CTNND2: variants seen among roughly 807,000 people sequenced by gnomAD.
The protein encoded by CTNND2 is catenin delta 2, also known as catenin delta-2.
CTNND2 carries 22 observed loss-of-function variants against 144.4 expected under a neutral mutation model. That is an observed-to-expected ratio of 0.15 (90% confidence interval 0.11 to 0.22). The LOEUF is 0.22. Ranked by LOEUF, CTNND2 falls within the 10% of genes least tolerant of loss-of-function variation. The pLI is 1.00. For missense variants in CTNND2, 1,353 were observed against 1,618.8 expected, an observed-to-expected ratio of 0.84 and a Z score of 2.82; for synonymous variants, 751 against 695.6, an observed-to-expected ratio of 1.08 and a Z score of -1.25.
At chr5:11,276,188 C>G (rs991053293) in intron 9 of CTNND2, among the ~76,000 whole-genome samples, 5 of 152,112 alleles carry the variant, frequency 3.3e-5, no homozygotes, top group Admixed American at 6.5e-5. Context: ...GAGACAGGAG[C>G]AGGGGATGTG....
intron 18 of CTNND2, among the ~76,000 whole-genome samples, chr5:10,994,815 C>G (rs1345349552): frequency 6.6e-6 from 1 of 152,102 alleles, no homozygotes; most frequent in African/African-American, 2.4e-5. Flanking sequence ...AGGTCACTCC[C>G]CTGGACAGAG....
intron 2 of CTNND2, among the ~76,000 whole-genome samples, chr5:11,663,978 A>G (rs998113706): frequency 1.3e-5 from 2 of 152,178 alleles, no homozygotes; most frequent in African/African-American, 2.4e-5. Context: ...GGTAGAAACC[A>G]TCTCAAGACT....
At chr5:11,344,936 T>A (rs1754619980) in intron 9 of CTNND2, among the ~76,000 whole-genome samples, 1 of 152,210 alleles carries the variant, frequency 6.6e-6, no homozygotes, top group African/African-American at 2.4e-5. Context: ...GGTTTCTTAT[T>A]AAGCTAAATT....
chr5:11,681,935 A>G (rs1784435905), intron 2 of CTNND2, among the ~76,000 whole-genome samples: 1 of 152,206 alleles, frequency 6.6e-6, no homozygotes, highest in African/African-American at 2.4e-5. Flanking sequence ...AGAAACAGAC[A>G]AGCTGTCTAC....
intron 9 of CTNND2, among the ~76,000 whole-genome samples, chr5:11,240,282 C>CAT (rs201806525): frequency 7.9e-6 from 1 of 127,382 alleles, no homozygotes; most frequent in Non-Finnish European, 1.7e-5. Context: ...CCAACACACA[C>CAT]ACACTCAAAC....
At chr5:11,485,410 T>A (rs1768728672) in intron 3 of CTNND2, among the ~76,000 whole-genome samples, 1 of 150,268 alleles carries the variant, frequency 6.7e-6, no homozygotes. Flanking sequence ...TTCAATGCAA[T>A]CCCCCCAAAA....
chr5:11,330,267 C>A (rs1210810544), intron 9 of CTNND2, among the ~76,000 whole-genome samples: 3 of 145,660 alleles, frequency 2.1e-5, no homozygotes, highest in African/African-American at 7.7e-5. Context: ...GTCAGGAGAT[C>A]GAGACCTTCC....
intron 2 of CTNND2, among the ~76,000 whole-genome samples, chr5:11,581,296 G>A (rs1266267286): frequency 2.0e-5 from 3 of 150,446 alleles, no homozygotes; most frequent in Non-Finnish European, 3.0e-5. Flanking sequence ...GTTCTTCTTG[G>A]AACAGAATTC....
rs12517899 is a variant in CTNND2 at position 11,088,293 on chromosome 5, G to A, written c.2638-5447C>T. On this transcript the variant is annotated intron_variant, in intron 15 of 21. Coordinates refer to ENST00000304623, the MANE Select transcript of CTNND2 (RefSeq NM_001332.4). ...TGCATGAATACACCATTGAGAAGGG[G>A]AAACTGACCACAGTGGAGGTCCAAA... 3.3e-3 allele frequency among the ~76,000 whole-genome samples: 497 copies of A among 152,262 alleles called. 2 individuals are homozygous for A. Among genetic ancestry groups the A allele is most frequent in the South Asian group, 0.01 (50 of 4,818 alleles).
intron 1 of CTNND2, among the ~76,000 whole-genome samples, chr5:11,810,515 TTAC>T (rs1321898214): frequency 2.0e-5 from 3 of 152,182 alleles, no homozygotes; most frequent in African/African-American, 7.2e-5. Flanking sequence ...TAAATGTGGA[TTAC>T]TACTTTTTAA....
intron 2 of CTNND2, among the ~76,000 whole-genome samples, chr5:11,652,625 T>A (rs2126540762): frequency 6.6e-6 from 1 of 152,330 alleles, no homozygotes; most frequent in African/African-American, 2.4e-5. Context: ...AGAGCAAAAA[T>A]TTATGTTACT....
chr5:11,784,837 C>A (rs1790743856), intron 1 of CTNND2, among the ~76,000 whole-genome samples: 1 of 152,188 alleles, frequency 6.6e-6, no homozygotes, highest in Admixed American at 6.5e-5. Flanking sequence ...GAGACCACAA[C>A]TAGTCAATGC....
rs1737340515 is a variant in CTNND2 at position 10,981,997 on chromosome 5, T to C, written c.3344-151A>G. The C allele has an allele frequency of 6.4e-6, 4 of 620,294 alleles. No individual in the cohort carries two copies. The East Asian group carries it at 1.1e-4, about 17-fold the overall frequency. 38.4% of individuals were successfully genotyped at this position (620,294 alleles called of 1,614,324 possible). On this transcript the variant is annotated intron_variant, in intron 20 of 21. Coordinates refer to ENST00000304623, the MANE Select transcript of CTNND2 (RefSeq NM_001332.4). ...ACATTCTTTGGCCCTGAACACTTCATTTTACATACAGATATTAAAAAAGGA... is the reference window on the plus strand; with the variant it reads ...ACATTCTTTGGCCCTGAACACTTCACTTTACATACAGATATTAAAAAAGGA...
chr5:11,884,813 T>TA (rs1736396547), intron 1 of CTNND2, among the ~76,000 whole-genome samples: 1 of 152,216 alleles, frequency 6.6e-6, no homozygotes, highest in Non-Finnish European at 1.5e-5. Flanking sequence ...ATACTGCCTT[T>TA]ATTGTTTTGA....
Position 11,882,076 on chromosome 5 carries a change from T to C in CTNND2, c.37+21741A>G, listed in dbSNP as rs76692247. Among the ~76,000 whole-genome samples the C allele has an allele frequency of 1.1e-3, 172 of 152,200 alleles. 3 individuals are homozygous for C. In the East Asian group the frequency reaches 0.028, roughly 25 times the overall value. ...TTTACTTGGATTATTATTATTATCA[T>C]TATAACTGCTGTTGAGATTCTTATA... On this transcript the variant is annotated intron_variant, in intron 1 of 21. Transcript: ENST00000304623.
At chr5:11,151,791 G>C (rs1757778181) in intron 12 of CTNND2, among the ~76,000 whole-genome samples, 1 of 152,124 alleles carries the variant, frequency 6.6e-6, no homozygotes, top group Non-Finnish European at 1.5e-5. Flanking sequence ...TATATTCAAG[G>C]AGAAATCATT....
intron 8 of CTNND2, among the ~76,000 whole-genome samples, chr5:11,352,221 T>C (rs1755400694): frequency 6.6e-6 from 1 of 152,158 alleles, no homozygotes; most frequent in Non-Finnish European, 1.5e-5. Flanking sequence ...CCTGCTTTTA[T>C]TGGAAAAGAA....
intron 21 of CTNND2, among the ~76,000 whole-genome samples, chr5:10,977,432 G>A (rs1351375696): frequency 6.6e-6 from 1 of 151,872 alleles, no homozygotes; most frequent in Non-Finnish European, 1.5e-5. Flanking sequence ...TCAAAAGGAT[G>A]TTTGGAAAGT....
At chr5:11,056,264 G>C (rs1247652769) in intron 16 of CTNND2, among the ~76,000 whole-genome samples, 1 of 152,130 alleles carries the variant, frequency 6.6e-6, no homozygotes, top group Non-Finnish European at 1.5e-5. Context: ...GTGATGCCTT[G>C]AACATAGAAT....
Sources: allele counts gnomAD v4.1 joint callset (sites outside exome capture counted in the v4.1 genomes callset), GRCh38; gene constraint gnomAD v4.1.1; transcripts MANE v1.5; gene names NCBI Gene and HGNC (gene_info 2026-07-23, HGNC 2026-07-21).